The following HACL1 variants were observed in gnomAD, a reference collection of about 807,000 sequenced individuals.
HACL1 encodes the protein 1600020H07Rik.
Under a neutral mutation model 74.2 loss-of-function variants are expected in HACL1, and 64 were observed. That is an observed-to-expected ratio of 0.86 (90% CI 0.70 to 1.06). HACL1 has a LOEUF of 1.06. Ranked by LOEUF, HACL1 falls within the 50% of genes least tolerant of loss-of-function variation. The probability of loss-of-function intolerance (pLI) is 0.00; values close to 1 mark genes in which losing one functional copy is unlikely to be tolerated. For missense variants in HACL1, 728 were observed against 719.7 expected (o/e 1.01, Z -0.13); for synonymous variants, 230 against 238.8 (o/e 0.96, Z 0.34).
chr3:15,585,243 C>G lies in HACL1; in HGVS notation c.554+5G>C. 1 of 1,383,222 alleles carries G rather than the reference C, an allele frequency of 7.2e-7. No homozygotes were observed. Among genetic ancestry groups the G allele is most frequent in the East Asian group, 2.3e-5 (1 of 43,806 alleles). 85.7% of individuals were successfully genotyped at this position (1,383,222 alleles called of 1,614,324 possible). On this transcript the variant is annotated splice_donor_5th_base_variant and intron_variant, in intron 7 of 16. Transcript: ENST00000321169. ...AGAAAGAATTCCAGCATAACTATTA[C>G]TCACTTTATAGAATTCACATTCACC...
At chr3:15,560,952 T>C (rs1559544039) in intron 16 of HACL1, 55 bp from the exon 17 acceptor site, 1 of 1,272,800 alleles carries the variant, frequency 7.9e-7, no homozygotes, top group African/African-American at 1.5e-5. Flanking sequence ...TCTCAAATTA[T>C]ATCCTCATTG....
intron 12 of HACL1, among the ~76,000 whole-genome samples, chr3:15,569,827 G>GAA (rs879878013): frequency 9.4e-6 from 1 of 106,624 alleles, no homozygotes; most frequent in Non-Finnish European, 2.0e-5. Context: ...TCTCAAAAAA[G>GAA]AAAAAAAAAA....
At chr3:15,596,474 C>T (rs369545823) in intron 2 of HACL1, 50 bp from the exon 3 acceptor site, 3 of 1,069,098 alleles carry the variant, frequency 2.8e-6, no homozygotes, top group African/African-American at 1.5e-5. Context: ...CCTTATAGTA[C>T]ATTTATGACA....
rs1444468251 is a variant in HACL1, at chr3:15,560,875, G to A, written c.1727C>T (p.Ser576Phe). 1.9e-6 allele frequency: 3 copies of A among 1,606,370 alleles called. No homozygotes were observed. The highest frequency in any genetic ancestry group is 2.6e-6 in the Non-Finnish European group (3 of 1,173,970). ...KAQDFHWLTR[S>F]NM ...AACTGGCGTCTTTATTTACATATTAGAGCGGGTCAGCCAATGAAAATCCTA... is the reference window on the plus strand; with the variant it reads ...AACTGGCGTCTTTATTTACATATTAAAGCGGGTCAGCCAATGAAAATCCTA... The change falls in exon 17 of 17, where the codon TCT becomes TTT. Residue 576 changes from serine (S) to phenylalanine (F), a missense_variant. Coordinates refer to ENST00000321169, the MANE Select transcript of HACL1 (RefSeq NM_012260.4).
intron 3 of HACL1, among the ~76,000 whole-genome samples, chr3:15,592,463 C>T (rs1681265213): frequency 1.3e-5 from 1 of 78,254 alleles, no homozygotes; most frequent in African/African-American, 6.1e-5. Context: ...CACACGTATA[C>T]ATACACACAC....
intron 16 of HACL1, among the ~76,000 whole-genome samples, chr3:15,561,757 T>C (rs1282109806): frequency 6.6e-6 from 1 of 152,220 alleles, no homozygotes; most frequent in Non-Finnish European, 1.5e-5. Context: ...CTTAGCTCAC[T>C]GCAACCTCCA....
intron 15 of HACL1, among the ~76,000 whole-genome samples, chr3:15,563,786 C>T (rs2063387079): frequency 6.6e-6 from 1 of 152,202 alleles, no homozygotes; most frequent in South Asian, 2.1e-4. Flanking sequence ...CCATCCAAGA[C>T]AGTAGCCACT....
intron 2 of HACL1, among the ~76,000 whole-genome samples, chr3:15,599,941 G>C (rs2064155696): frequency 6.6e-6 from 1 of 152,156 alleles, no homozygotes; most frequent in Non-Finnish European, 1.5e-5. Context: ...TAGGTCAATA[G>C]CTTCATTTTT....
Position 15,601,169 on chromosome 3 carries a change from A to G in HACL1, c.107T>C (p.Val36Ala), listed in dbSNP as rs199662479. ...GGCGATTTCGGTCACTGGGATGCCTACGATGCCAAATATGTACTCCACATC... is the reference window on the plus strand; with the variant it reads ...GGCGATTTCGGTCACTGGGATGCCTGCGATGCCAAATATGTACTCCACATC... ...TQDVEYIFGI[V>A]GIPVTEIAIA... The change falls in exon 2 of 17, where the codon GTA becomes GCA. Residue 36 changes from valine (V) to alanine (A), a missense_variant. Physicochemically the swap from Val to Ala is moderately conservative, Grantham distance 64. Transcript: ENST00000321169. 2 of 1,613,488 alleles carry G rather than the reference A, an allele frequency of 1.2e-6. No homozygotes were observed. Among genetic ancestry groups the G allele is most frequent in the Admixed American group, 1.7e-5 (1 of 60,026 alleles).
At chr3:15,573,068 C>T (rs534299782) in intron 11 of HACL1, 91 bp downstream of exon 11, 1 of 760,416 alleles carries the variant, frequency 1.3e-6, no homozygotes, top group East Asian at 2.5e-5. Context: ...GAATAGTAGA[C>T]CCGTTACCAA....
intron 12 of HACL1, 123 bp downstream of exon 12, chr3:15,571,545 G>A: frequency 1.4e-6 from 1 of 705,160 alleles, no homozygotes; most frequent in Non-Finnish European, 2.5e-6. Flanking sequence ...ATGAGACCTG[G>A]GGTTTTCACT....
chr3:15,562,778 T>A (rs1356956250), intron 16 of HACL1, among the ~76,000 whole-genome samples: 1 of 152,226 alleles, frequency 6.6e-6, no homozygotes, highest in African/African-American at 2.4e-5. Context: ...AGTTTCACCC[T>A]GGAGGTCAAA....
At chr3:15,586,449 A>G (rs1232932493) in intron 6 of HACL1, 76 bp downstream of exon 6, 2 of 777,566 alleles carry the variant, frequency 2.6e-6, no homozygotes, top group African/African-American at 1.8e-5. Flanking sequence ...CATTCTTTTG[A>G]GAATAAAAAT....
intron 2 of HACL1, 107 bp downstream of exon 2, chr3:15,600,982 TA>T: frequency 1.4e-6 from 1 of 713,488 alleles, no homozygotes; most frequent in Non-Finnish European, 2.6e-6. Flanking sequence ...ATGATATATG[TA>T]AAGTAGCAGA....
chr3:15,589,873 A>G (rs1372365578), intron 4 of HACL1, among the ~76,000 whole-genome samples: 4 of 152,038 alleles, frequency 2.6e-5, no homozygotes, highest in Admixed American at 2.6e-4. Flanking sequence ...CAGCTCTACA[A>G]AAAATACAAA....
rs773419972 is a variant in HACL1, at chr3:15,579,909, C to T, written c.803+1G>A. ...TATTTAAAATCTGGAATGCCACACA[C>T]CTGGATCTGGCTGCACCTACACAGT... On this transcript the variant is annotated splice_donor_variant, in intron 9 of 16. Transcript: ENST00000321169. LOFTEE classifies it high-confidence loss of function. 3 of 1,580,454 alleles carry T rather than the reference C, an allele frequency of 1.9e-6. No homozygotes were observed. Among genetic ancestry groups the T allele is most frequent in the African/African-American group, 1.4e-5 (1 of 72,960 alleles).
At chr3:15,570,943 T>C (rs1280800514) in intron 12 of HACL1, among the ~76,000 whole-genome samples, 1 of 151,720 alleles carries the variant, frequency 6.6e-6, no homozygotes. Flanking sequence ...AACCCAAGAT[T>C]TAAGGATTCA....
intron 9 of HACL1, among the ~76,000 whole-genome samples, chr3:15,577,588 C>G (rs762502388): frequency 1.3e-5 from 2 of 151,740 alleles, no homozygotes; most frequent in African/African-American, 4.8e-5. Context: ...CCCAGGAGAT[C>G]AAGACCAGCA....
At chr3:15,581,410 G>C (rs141176142) in intron 8 of HACL1, among the ~76,000 whole-genome samples, 1 of 152,064 alleles carries the variant, frequency 6.6e-6, no homozygotes, top group African/African-American at 2.4e-5. Context: ...CTAGTAAACA[G>C]TATCATGCAC....
Sources: gnomAD v4.1 joint callset for allele counts (sites outside exome capture counted in the v4.1 genomes callset) on GRCh38, gnomAD v4.1.1 for gene constraint, MANE v1.5 for transcripts, NCBI Gene and HGNC (gene_info 2026-07-23, HGNC 2026-07-21) for gene names.